The following IL1RAPL1 variants were observed in gnomAD, a reference collection of about 807,000 sequenced individuals.
The protein encoded by IL1RAPL1 is interleukin 1 receptor accessory protein like 1, also known as interleukin-1 receptor accessory protein-like 1.
IL1RAPL1 carries 3 observed loss-of-function variants against 48.4 expected under a neutral mutation model. The observed-to-expected ratio is 0.06, with a 90% CI of 0.03 to 0.16. The LOEUF (loss-of-function observed/expected upper bound fraction) is 0.16, where lower values mean the gene tolerates loss of function less well. Ranked by LOEUF, IL1RAPL1 falls within the 10% of genes least tolerant of loss-of-function variation. The probability of loss-of-function intolerance (pLI) is 1.00; values close to 1 mark genes in which losing one functional copy is unlikely to be tolerated. For missense variants in IL1RAPL1, 349 were observed against 530.6 expected, an observed-to-expected ratio of 0.66 and a Z score of 3.36; for synonymous variants, 185 against 187.7, an observed-to-expected ratio of 0.99 and a Z score of 0.12.
chrX:28,979,804 A>G (rs987344411), intron 2 of IL1RAPL1, among the ~76,000 whole-genome samples: 1 of 111,910 alleles, frequency 8.9e-6, no homozygotes, highest in African/African-American at 3.2e-5. Context: ...TATTCTGGGG[A>G]AAAAATGCAG....
chrX:28,966,425 C>T (rs1924921019), intron 2 of IL1RAPL1, among the ~76,000 whole-genome samples: 1 of 111,770 alleles, frequency 8.9e-6, no homozygotes, highest in South Asian at 3.7e-4. Context: ...AACTTTGCTG[C>T]TGGAAGGCAG....
intron 6 of IL1RAPL1, among the ~76,000 whole-genome samples, chrX:29,743,763 G>A (rs1313570111): frequency 8.9e-6 from 1 of 112,024 alleles, no homozygotes; most frequent in Non-Finnish European, 1.9e-5. Flanking sequence ...GATTACAGGC[G>A]TGAGCCACCG....
chrX:29,869,408 C>T (rs1387348856), intron 6 of IL1RAPL1, among the ~76,000 whole-genome samples: 1 of 111,439 alleles, frequency 9.0e-6, no homozygotes, highest in African/African-American at 3.3e-5. Context: ...CCTGGTGATA[C>T]GTAATGCTCC....
chrX:29,347,451 T>C (rs192454533), intron 3 of IL1RAPL1, among the ~76,000 whole-genome samples: 1,052 of 105,063 alleles, frequency 0.01, 9 homozygotes, highest in Non-Finnish European at 0.015. Context: ...TGCAGTAGCA[T>C]GATGATGGCT....
chrX:29,701,672 T>C (rs1927050218), intron 6 of IL1RAPL1, among the ~76,000 whole-genome samples: 1 of 111,273 alleles, frequency 9.0e-6, no homozygotes, highest in Non-Finnish European at 1.9e-5. Context: ...GTGTATCCCA[T>C]ATCCTTCAGG....
chrX:29,405,159 A>G (rs7892743), intron 5 of IL1RAPL1, among the ~76,000 whole-genome samples: 1,522 of 109,140 alleles, frequency 0.014, 33 homozygotes, highest in African/African-American at 0.048. Context: ...TGATCCGCCC[A>G]CCTCAGCCTC....
At chrX:29,041,293 G>A (rs1416484326) in intron 2 of IL1RAPL1, among the ~76,000 whole-genome samples, 2 of 111,381 alleles carry the variant, frequency 1.8e-5, no homozygotes. Flanking sequence ...GCAGGGGGGT[G>A]GAATTTACTC....
At chrX:28,834,048 G>A (rs1433633535) in intron 2 of IL1RAPL1, among the ~76,000 whole-genome samples, 1 of 111,786 alleles carries the variant, frequency 8.9e-6, no homozygotes, top group Non-Finnish European at 1.9e-5. Context: ...GATCTTGAGT[G>A]AGTAATTCGT....
chrX:29,824,796 A>G (rs1225682922), intron 6 of IL1RAPL1, among the ~76,000 whole-genome samples: 4 of 111,259 alleles, frequency 3.6e-5, no homozygotes, highest in African/African-American at 9.8e-5. Context: ...CATCTTTCCT[A>G]TGAGATAGGG....
intron 1 of IL1RAPL1, among the ~76,000 whole-genome samples, chrX:28,751,960 C>G (rs1225340564): frequency 9.0e-6 from 1 of 111,217 alleles, no homozygotes; most frequent in Admixed American, 9.6e-5. Flanking sequence ...CTTAACTTCT[C>G]TAAGCCAAAG....
intron 1 of IL1RAPL1, among the ~76,000 whole-genome samples, chrX:28,728,606 C>G (rs1439971798): frequency 8.9e-6 from 1 of 111,828 alleles, no homozygotes; most frequent in Non-Finnish European, 1.9e-5. Flanking sequence ...ACCCTCAAAC[C>G]TCAAAGCACA....
chrX:29,597,615 A>T (rs1202851345), intron 5 of IL1RAPL1, among the ~76,000 whole-genome samples: 1 of 111,788 alleles, frequency 8.9e-6, no homozygotes, highest in Non-Finnish European at 1.9e-5. Flanking sequence ...TGTCGATAGG[A>T]TTGGTATTCA....
chrX:29,608,120 C>A (rs925577152), intron 5 of IL1RAPL1, among the ~76,000 whole-genome samples: 5 of 112,073 alleles, frequency 4.5e-5, no homozygotes, highest in African/African-American at 1.6e-4. Context: ...CTAGTTGGAA[C>A]CTCTAAGATG....
chrX:29,711,069 T>TATACACACACACACACACACACAC, intron 6 of IL1RAPL1, among the ~76,000 whole-genome samples: 1 of 86,437 alleles, frequency 1.2e-5, no homozygotes, highest in East Asian at 4.2e-4. Context: ...TGTGTGTGTA[T>TATACACACACACACACACACACAC]ACACACACAC....
intron 3 of IL1RAPL1, among the ~76,000 whole-genome samples, chrX:29,307,678 T>G (rs1932646684): frequency 8.9e-6 from 1 of 112,111 alleles, no homozygotes; most frequent in South Asian, 3.6e-4. Flanking sequence ...TTTCCCTTAA[T>G]AGAAAGCTTC....
chrX:29,500,711 C>T (rs1935263232), intron 5 of IL1RAPL1, among the ~76,000 whole-genome samples: 1 of 112,115 alleles, frequency 8.9e-6, no homozygotes, highest in South Asian at 3.7e-4. Flanking sequence ...TTTATCCATT[C>T]ATCTATTGAT....
chrX:28,936,460 C>T (rs1296037365), intron 2 of IL1RAPL1, among the ~76,000 whole-genome samples: 3 of 110,491 alleles, frequency 2.7e-5, no homozygotes, highest in Non-Finnish European at 3.8e-5. Flanking sequence ...CAGTGAGCTA[C>T]GATTATGCTA....
chrX:29,770,661 C>T (rs1009965243), intron 6 of IL1RAPL1, among the ~76,000 whole-genome samples: 1 of 111,954 alleles, frequency 8.9e-6, no homozygotes, highest in African/African-American at 3.2e-5. Flanking sequence ...CAGGTTAGCT[C>T]CAGAATCTGT....
At chrX:29,224,951 T>G (rs940693574) in intron 2 of IL1RAPL1, among the ~76,000 whole-genome samples, 1 of 112,034 alleles carries the variant, frequency 8.9e-6, no homozygotes, top group Non-Finnish European at 1.9e-5. Flanking sequence ...CAGAATGGTG[T>G]GATTGTTGCC....
Sources: allele counts gnomAD v4.1 joint callset (sites outside exome capture counted in the v4.1 genomes callset), GRCh38; gene constraint gnomAD v4.1.1; transcripts MANE v1.5; gene names NCBI Gene and HGNC (gene_info 2026-07-23, HGNC 2026-07-21).